ARL14EPL: variants seen among roughly 807,000 people sequenced by gnomAD.
ARL14EPL encodes ARF like GTPase 14 effector protein like.
Under a neutral mutation model 15.9 loss-of-function variants are expected in ARL14EPL, and 17 were observed. That is an observed-to-expected ratio of 1.07 (90% CI 0.73 to 1.60). ARL14EPL has a LOEUF of 1.60. Among genes scored for constraint, ARL14EPL ranks in the 40% most tolerant of loss-of-function variants. The probability of loss-of-function intolerance (pLI) is 0.00; values close to 1 mark genes in which losing one functional copy is unlikely to be tolerated. For missense variants in ARL14EPL, 214 were observed against 185.9 expected (o/e 1.15, Z -0.88); for synonymous variants, 78 against 63.8 (o/e 1.22, Z -1.06).
intron 2 of ARL14EPL, chr5:116,052,370 C>T: frequency 5.1e-6 from 4 of 788,194 alleles, no homozygotes; most frequent in Non-Finnish European, 8.9e-6. Flanking sequence ...TTTAATGAAC[C>T]TTTATTTTGT....
At chr5:116,051,799 C>T (rs1370298511) in intron 2 of ARL14EPL, 1 of 792,776 alleles carries the variant, frequency 1.3e-6, no homozygotes, top group Admixed American at 2.8e-5. Context: ...GTGTTCTGTA[C>T]AATAAAATTC....
At chr5:116,036,367 C>A (rs565845267) in intron 1 of ARL14EPL, among the ~76,000 whole-genome samples, 9 of 151,978 alleles carry the variant, frequency 5.9e-5, no homozygotes, top group South Asian at 2.1e-4. Context: ...AAGTGGGAAG[C>A]TCCTGGAAAT....
Position 116,039,199 on chromosome 5 carries a change from A to C in ARL14EPL, c.-10+6694A>C, listed in dbSNP as rs1749104059. The stretch of plus-strand genomic sequence containing the variant: ...ACAGGGTTTGGTGGGAAGGCTCCCA[A>C]GTCAACACACCTAACCACTTGCTCT... On this transcript the variant is annotated intron_variant, in intron 1 of 3. Coordinates refer to ENST00000686077, the MANE Select transcript of ARL14EPL (RefSeq NM_001195581.2). Among the ~76,000 whole-genome samples, 4 of 152,172 alleles carry C rather than the reference A, an allele frequency of 2.6e-5. 1 individual carries two copies. The South Asian group carries it at 8.3e-4, about 31-fold the overall frequency.
At chr5:116,056,747 C>T (rs1429079101) in intron 3 of ARL14EPL, among the ~76,000 whole-genome samples, 2 of 152,132 alleles carry the variant, frequency 1.3e-5, no homozygotes, top group African/African-American at 4.8e-5. Flanking sequence ...AATGGTATTG[C>T]CTAGGTTTTC....
intron 1 of ARL14EPL, among the ~76,000 whole-genome samples, chr5:116,042,518 CT>C (rs1749180005): frequency 1.3e-5 from 2 of 152,176 alleles, no homozygotes; most frequent in Non-Finnish European, 2.9e-5. Flanking sequence ...CTCATAACAC[CT>C]TCACAGTAGA....
chr5:116,046,401 C>G (rs1374692593), intron 1 of ARL14EPL, among the ~76,000 whole-genome samples: 1 of 152,184 alleles, frequency 6.6e-6, no homozygotes, highest in Admixed American at 6.5e-5. Flanking sequence ...GAAAATTCAA[C>G]TCTACCTGCC....
chr5:116,035,662 A>G (rs73783076), intron 1 of ARL14EPL, among the ~76,000 whole-genome samples: 1,624 of 152,326 alleles, frequency 0.011, 27 homozygotes, highest in African/African-American at 0.037. Flanking sequence ...TGGCTGCTTC[A>G]GAATCTCAGA....
chr5:116,057,391 T>C (rs1430541334), intron 3 of ARL14EPL, among the ~76,000 whole-genome samples: 1 of 148,234 alleles, frequency 6.7e-6, no homozygotes, highest in African/African-American at 2.5e-5. Flanking sequence ...ATATTTTGCA[T>C]GATTTGATGT....
At chr5:116,056,548 C>G (rs1475740181) in intron 3 of ARL14EPL, among the ~76,000 whole-genome samples, 1 of 152,160 alleles carries the variant, frequency 6.6e-6, no homozygotes, top group African/African-American at 2.4e-5. Context: ...TGGATATTAG[C>G]CCTTTGTCAG....
chr5:116,057,439 A>G (rs1749547706), intron 3 of ARL14EPL, among the ~76,000 whole-genome samples: 2 of 150,184 alleles, frequency 1.3e-5, no homozygotes, highest in African/African-American at 4.9e-5. Flanking sequence ...AAAGCATCAA[A>G]TGGGCCGGAA....
At chr5:116,037,525 C>G (rs1347098213) in intron 1 of ARL14EPL, among the ~76,000 whole-genome samples, 1 of 151,682 alleles carries the variant, frequency 6.6e-6, no homozygotes, top group Non-Finnish European at 1.5e-5. Flanking sequence ...CATTCCTGGT[C>G]ACTAAGATAC....
rs115243068 is a variant in ARL14EPL at position 116,052,569 on chromosome 5, C to T, written c.96+1008C>T. On this transcript the variant is annotated intron_variant, in intron 2 of 3. Coordinates refer to ENST00000686077, the MANE Select transcript of ARL14EPL (RefSeq NM_001195581.2). ...TGAGCACAGGCAGGTGACCCTGGGT[C>T]TCTGTTCTTAACCTCTTGCTGTGCT... Among the ~76,000 whole-genome samples, 193 of 152,250 alleles carry T rather than the reference C, an allele frequency of 1.3e-3. 1 individual carries two copies. The highest frequency in any genetic ancestry group is 2.4e-3 in the Non-Finnish European group (165 of 68,026).
intron 1 of ARL14EPL, among the ~76,000 whole-genome samples, chr5:116,040,814 CAAA>C (rs58840428): frequency 0.013 from 1,422 of 106,504 alleles, 20 homozygotes; most frequent in African/African-American, 0.043. Context: ...ACTAAAAATA[CAAA>C]AAAAAAAAAA....
intron 1 of ARL14EPL, among the ~76,000 whole-genome samples, chr5:116,041,321 A>T (rs557037397): frequency 6.6e-6 from 1 of 152,318 alleles, no homozygotes; most frequent in South Asian, 2.1e-4. Flanking sequence ...ATTTTTCAAT[A>T]TGTAAAAATA....
chr5:116,046,402 T>C (rs998997356), intron 1 of ARL14EPL, among the ~76,000 whole-genome samples: 2 of 152,150 alleles, frequency 1.3e-5, no homozygotes, highest in African/African-American at 4.8e-5. Context: ...AAAATTCAAC[T>C]CTACCTGCCA....
At chr5:116,043,315 G>A (rs1380936430) in intron 1 of ARL14EPL, among the ~76,000 whole-genome samples, 2 of 151,914 alleles carry the variant, frequency 1.3e-5, no homozygotes, top group African/African-American at 4.8e-5. Context: ...GGTAAACTAA[G>A]GAGTGCTTTA....
At chr5:116,041,541 A>T (rs1749158211) in intron 1 of ARL14EPL, among the ~76,000 whole-genome samples, 1 of 152,058 alleles carries the variant, frequency 6.6e-6, no homozygotes, top group Non-Finnish European at 1.5e-5. Flanking sequence ...TATTTCACTT[A>T]CCTGCTAGTC....
chr5:116,047,472 ACT>A (rs1188690495), intron 1 of ARL14EPL, among the ~76,000 whole-genome samples: 28 of 152,270 alleles, frequency 1.8e-4, no homozygotes, highest in East Asian at 5.8e-4. Context: ...GACTCAAATG[ACT>A]CTTTCTGAGC....
intron 3 of ARL14EPL, among the ~76,000 whole-genome samples, chr5:116,057,751 T>C (rs2560699): frequency 0.65 from 98,897 of 152,048 alleles, 34,061 homozygotes; most frequent in Non-Finnish European, 0.79. Flanking sequence ...AGGAACAGGA[T>C]GGAACGATAT....
Sources: allele counts gnomAD v4.1 joint callset (sites outside exome capture counted in the v4.1 genomes callset), GRCh38; gene constraint gnomAD v4.1.1; transcripts MANE v1.5; gene names NCBI Gene and HGNC (gene_info 2026-07-23, HGNC 2026-07-21).